Variants in IL31RA observed in about 807,000 individuals in gnomAD.
IL31RA encodes interleukin-31 receptor subunit alpha.
Under a neutral mutation model 83.7 loss-of-function variants are expected in IL31RA, and 66 were observed. That is an observed-to-expected ratio of 0.79 (90% CI 0.65 to 0.97). IL31RA has a LOEUF of 0.97. IL31RA is among the 50% of genes least tolerant of loss of function. The pLI, the probability that IL31RA is intolerant of heterozygous loss-of-function variation, is 0.00. For synonymous variants in IL31RA, 325 were observed against 329.0 expected (o/e 0.99, Z 0.13); for missense variants, 798 against 919.4 (o/e 0.87, Z 1.71).
intron 5 of IL31RA, among the ~76,000 whole-genome samples, chr5:55,889,360 A>T (rs1747837588): frequency 6.6e-6 from 1 of 152,208 alleles, no homozygotes; most frequent in African/African-American, 2.4e-5. Flanking sequence ...AAATTAATTT[A>T]TACATTCAGG....
intron 6 of IL31RA, among the ~76,000 whole-genome samples, chr5:55,892,719 C>T (rs1748080373): frequency 6.6e-6 from 1 of 152,196 alleles, no homozygotes; most frequent in South Asian, 2.1e-4. Context: ...CTGGTGCCAT[C>T]GTGGCTCAGA....
In IL31RA at chr5:55,872,302, C is replaced by G; in HGVS notation, c.305C>G (p.Thr102Ser). 3 of 1,613,388 alleles carry G rather than the reference C, an allele frequency of 1.9e-6. No individual in the cohort carries two copies. The highest frequency in any genetic ancestry group is 2.5e-6 in the Non-Finnish European group (3 of 1,179,534). Residue 102 changes from threonine to serine, a missense_variant, in exon 4 of 15, where the codon ACC becomes AGC. Coordinates refer to ENST00000652347, the MANE Select transcript of IL31RA (RefSeq NM_139017.7). ...AFGEKHDNCT[T>S]NSSTSENRAS... Reference sequence around the variant, plus strand: ...GGAGAAAAACATGATAATTGTACAACCAATAGTTCTACAAGTGAAAATCGT... The same window carrying G: ...GGAGAAAAACATGATAATTGTACAAGCAATAGTTCTACAAGTGAAAATCGT...
chr5:55,855,716 A>G (rs1374863229), intron 1 of IL31RA, among the ~76,000 whole-genome samples: 1 of 152,164 alleles, frequency 6.6e-6, no homozygotes. Flanking sequence ...GGATAATTTA[A>G]CATGCTGAAA....
chr5:55,882,973 T>G, intron 4 of IL31RA, 71 bp from the exon 5 acceptor site: 3 of 1,430,704 alleles, frequency 2.1e-6, no homozygotes, highest in Non-Finnish European at 3.0e-6. Context: ...TTTTTTTCAA[T>G]TTTGGGTGGA....
chr5:55,902,229 T>G (rs889473008), intron 8 of IL31RA: 2 of 152,154 alleles, frequency 1.3e-5, no homozygotes, highest in Non-Finnish European at 2.9e-5. Context: ...AGTTGAATAG[T>G]TATGACAGAG....
chr5:55,914,990 G>T (rs977159920), intron 14 of IL31RA, 62 bp downstream of exon 14: 17 of 1,231,944 alleles, frequency 1.4e-5, no homozygotes, highest in Non-Finnish European at 2.0e-5. Flanking sequence ...GGTGAATGGA[G>T]ATGGGGAAAG....
At chr5:55,851,680 G>T (rs1334246601) in intron 1 of IL31RA, 47 bp downstream of exon 1, 2 of 1,613,700 alleles carry the variant, frequency 1.2e-6, no homozygotes, top group Middle Eastern at 1.7e-4. Flanking sequence ...GCAAGTAGGT[G>T]AATTCACAAA....
At chr5:55,866,743 A>G (rs1216951904) in intron 2 of IL31RA, 2 of 152,176 alleles carry the variant, frequency 1.3e-5, no homozygotes, top group African/African-American at 2.4e-5. Context: ...GGTGCATGGG[A>G]CCCATCCGCA....
intron 4 of IL31RA, among the ~76,000 whole-genome samples, chr5:55,877,689 G>T (rs1042542416): frequency 6.6e-6 from 1 of 152,096 alleles, no homozygotes; most frequent in Non-Finnish European, 1.5e-5. Context: ...GGGCTCTAAG[G>T]TTTTTGCTGA....
intron 5 of IL31RA, 138 bp from the exon 6 acceptor site, chr5:55,889,832 A>C: frequency 1.3e-6 from 1 of 782,364 alleles, no homozygotes; most frequent in South Asian, 1.5e-5. Flanking sequence ...AAGTCTGTTA[A>C]TAAAAATGAT....
Position 55,920,906 on chromosome 5 carries a change from A to G in IL31RA, c.*3786A>G, listed in dbSNP as rs545722739. On this transcript the variant is annotated 3_prime_UTR_variant, in exon 15 of 15. Coordinates refer to ENST00000652347, the MANE Select transcript of IL31RA (RefSeq NM_139017.7). ...GACCCCCAGCCTCCAAACCTCAGAC[A>G]TTTGGTGATGCCTGGAGATATTTTT... Among the ~76,000 whole-genome samples the G allele has an allele frequency of 6.6e-6, 1 of 152,228 alleles. No homozygotes were observed. Among genetic ancestry groups the G allele is most frequent in the South Asian group, 2.1e-4 (1 of 4,822 alleles).
chr5:55,883,975 C>T (rs55994546), intron 5 of IL31RA, among the ~76,000 whole-genome samples: 4 of 152,244 alleles, frequency 2.6e-5, no homozygotes, highest in Admixed American at 6.5e-5. Context: ...TGTGTAGTAT[C>T]TCATAGTATG....
chr5:55,893,366 G>A (rs1485559099), intron 6 of IL31RA, among the ~76,000 whole-genome samples: 1 of 152,200 alleles, frequency 6.6e-6, no homozygotes, highest in Non-Finnish European at 1.5e-5. Context: ...TTGTATTATT[G>A]TTGGTCTCTA....
chr5:55,915,825 G>T (rs1301943109), intron 14 of IL31RA, among the ~76,000 whole-genome samples: 1 of 152,148 alleles, frequency 6.6e-6, no homozygotes, highest in Non-Finnish European at 1.5e-5. Flanking sequence ...TGAATAATCC[G>T]TAGGTTGGAC....
At chr5:55,889,671 A>G in intron 5 of IL31RA, among the ~76,000 whole-genome samples, 1 of 152,184 alleles carries the variant, frequency 6.6e-6, no homozygotes, top group East Asian at 1.9e-4. Context: ...GTCTTCTAGA[A>G]CAGCAAGCAG....
intron 10 of IL31RA, 31 bp downstream of exon 10, chr5:55,907,491 G>A: frequency 7.0e-7 from 1 of 1,426,510 alleles, no homozygotes; most frequent in South Asian, 1.1e-5. Flanking sequence ...GTGGGGAAAA[G>A]GAAACAGTGT....
chr5:55,842,255 C>T, the IL31RA span, among the ~76,000 whole-genome samples: 1 of 152,114 alleles, frequency 6.6e-6, no homozygotes, highest in Non-Finnish European at 1.5e-5. Flanking sequence ...TAAGGGCCAC[C>T]CTAATCCAGG....
At chr5:55,898,029 G>T (rs1748532803) in intron 7 of IL31RA, among the ~76,000 whole-genome samples, 1 of 152,238 alleles carries the variant, frequency 6.6e-6, no homozygotes, top group Non-Finnish European at 1.5e-5. Flanking sequence ...TCCCTGGGTT[G>T]CGGAGGCGGT....
In IL31RA at chr5:55,922,423, T is replaced by C. The variant is rs1021165668; in HGVS notation, c.*5303T>C. On this transcript the variant is annotated 3_prime_UTR_variant, in exon 15 of 15. Coordinates refer to ENST00000652347, the MANE Select transcript of IL31RA (RefSeq NM_139017.7). The stretch of plus-strand genomic sequence containing the variant: ...CTAGAATTCTGTCTTCCTGCCCAAC[T>C]TCAATATAAGTGTGGACTAAAATGC... 47 of 1,550,682 alleles carry C rather than the reference T, an allele frequency of 3.0e-5. No homozygotes were observed. The highest frequency in any genetic ancestry group is 1.6e-4 in the Admixed American group (8 of 50,984).
Sources: gnomAD v4.1 joint callset for allele counts (sites outside exome capture counted in the v4.1 genomes callset) on GRCh38, gnomAD v4.1.1 for gene constraint, MANE v1.5 for transcripts, NCBI Gene and HGNC (gene_info 2026-07-23, HGNC 2026-07-21) for gene names.